The following RPH3AL variants were observed in gnomAD, a reference collection of about 807,000 sequenced individuals.
The protein encoded by RPH3AL is rab effector Noc2.
Under a neutral mutation model 43.1 loss-of-function variants are expected in RPH3AL, and 38 were observed. The ratio of observed to expected loss-of-function variants is 0.88; its 90% CI spans 0.68 to 1.15. The LOEUF (loss-of-function observed/expected upper bound fraction) is 1.15, where lower values mean the gene tolerates loss of function less well. Ranked by LOEUF, RPH3AL falls within the 50% of genes most tolerant of loss-of-function variation. The probability of loss-of-function intolerance (pLI) is 0.00; values close to 1 mark genes in which losing one functional copy is unlikely to be tolerated. For missense variants in RPH3AL, 462 were observed against 423.2 expected, an observed-to-expected ratio of 1.09 and a Z score of -0.81; for synonymous variants, 189 against 176.3, an observed-to-expected ratio of 1.07 and a Z score of -0.57.
intron 3 of RPH3AL, among the ~76,000 whole-genome samples, chr17:324,747 A>T (rs572767583): frequency 4.6e-4 from 63 of 137,038 alleles, no homozygotes; most frequent in African/African-American, 1.8e-3. Context: ...CTATTTTGAG[A>T]CAGAGTCTCG....
chr17:289,557 A>T lies in RPH3AL; in HGVS notation c.352-7703T>A, dbSNP rs2042998093. ...GCCAGGCCGATTTTCTCAAGAGGCAAATCTAATCATGTCACCTCTCCCATC... is the reference window on the plus strand; with the variant it reads ...GCCAGGCCGATTTTCTCAAGAGGCATATCTAATCATGTCACCTCTCCCATC... On this transcript the variant is annotated intron_variant, in intron 5 of 9. Coordinates refer to ENST00000331302, the MANE Select transcript of RPH3AL (RefSeq NM_006987.4). The surrounding 1 kb of genome is among the most constrained non-coding windows in gnomAD (Gnocchi z 5.2). 6.6e-6 allele frequency among the ~76,000 whole-genome samples: 1 copy of T among 152,100 alleles called. No individual in the cohort carries two copies. Among genetic ancestry groups the T allele is most frequent in the Non-Finnish European group, 1.5e-5 (1 of 68,034 alleles).
At chr17:332,178 T>C (rs1285881169) in intron 2 of RPH3AL, 2 of 321,786 alleles carry the variant, frequency 6.2e-6, no homozygotes, top group Non-Finnish European at 1.2e-5. Context: ...CTGGTGGAGC[T>C]CTGGCCACTT....
chr17:299,873 A>G (rs904133075), intron 5 of RPH3AL, among the ~76,000 whole-genome samples: 1 of 152,252 alleles, frequency 6.6e-6, no homozygotes, highest in African/African-American at 2.4e-5. Context: ...CCCAGGGAAG[A>G]CGGCCACTGA....
At chr17:314,772 A>T (rs1322862797) in intron 5 of RPH3AL, among the ~76,000 whole-genome samples, 1 of 4,356 alleles carries the variant, frequency 2.3e-4, no homozygotes, top group African/African-American at 6.4e-4. Flanking sequence ...AGTCTCTGTG[A>T]CCCCACCTCC....
intron 1 of RPH3AL, among the ~76,000 whole-genome samples, chr17:337,781 T>G (rs1443081346): frequency 1.4e-4 from 21 of 152,264 alleles, no homozygotes. Context: ...AGGGGTTTTT[T>G]TTGTACCCCG....
At chr17:244,909 G>A (rs944150428) in intron 7 of RPH3AL, among the ~76,000 whole-genome samples, 2 of 152,142 alleles carry the variant, frequency 1.3e-5, no homozygotes, top group Admixed American at 1.3e-4. Flanking sequence ...CAGCATGTAA[G>A]CTACTGTGTG....
chr17:279,926 G>A (rs1327033535), intron 6 of RPH3AL, among the ~76,000 whole-genome samples: 1 of 152,188 alleles, frequency 6.6e-6, no homozygotes, highest in East Asian at 1.9e-4. Flanking sequence ...AGCAACTGTG[G>A]AGCAGACATT....
chr17:327,225 G>A (rs1269635391), intron 3 of RPH3AL, among the ~76,000 whole-genome samples: 1 of 152,250 alleles, frequency 6.6e-6, no homozygotes, highest in Non-Finnish European at 1.5e-5. Flanking sequence ...CCACCCACAA[G>A]TTAAGTGATG....
chr17:223,214 T>A (rs1474485762), intron 7 of RPH3AL, among the ~76,000 whole-genome samples: 1 of 151,704 alleles, frequency 6.6e-6, no homozygotes, highest in African/African-American at 2.4e-5. Context: ...AAAAAAGACT[T>A]TCCAAAGTCT....
At position 345,661 on chromosome 17, in the gene RPH3AL, G is replaced by A. The variant is rs571300732; in HGVS notation, c.-213+7051C>T. 5.9e-4 allele frequency among the ~76,000 whole-genome samples: 45 copies of A among 76,816 alleles called. 2 individuals are homozygous for A. The highest frequency in any genetic ancestry group is 1.4e-3 in the African/African-American group (44 of 32,134). The allele number at this position is 76,816 out of a possible 152,430, so 50.4% of individuals were successfully genotyped here. A position where few individuals can be genotyped will look rare whatever the true frequency, so the allele number is the denominator to read the frequency against. ...CTGCACGCACACCCTGCTGGGGCAC[G>A]CGTGCTCCCCATCTGCGCGCACACC... On this transcript the variant is annotated intron_variant, in intron 1 of 9. Transcript: ENST00000331302.
intron 7 of RPH3AL, among the ~76,000 whole-genome samples, chr17:242,148 T>G (rs2041555016): frequency 6.6e-6 from 1 of 152,104 alleles, no homozygotes; most frequent in African/African-American, 2.4e-5. Flanking sequence ...CAAAAAAACT[T>G]TAAAGGAGGA....
At chr17:313,142 C>G (rs2043685619) in intron 5 of RPH3AL, among the ~76,000 whole-genome samples, 1 of 152,154 alleles carries the variant, frequency 6.6e-6, no homozygotes, top group Non-Finnish European at 1.5e-5. Flanking sequence ...AATTCCTCTC[C>G]ATCTGCTTAG....
At chr17:281,688 A>AC in intron 6 of RPH3AL, 80 bp downstream of exon 6, 2 of 456,050 alleles carry the variant, frequency 4.4e-6, no homozygotes, top group Non-Finnish European at 8.0e-6. Context: ...CCCCACCGTC[A>AC]CCCTGACCGT....
At chr17:348,900 T>G (rs1476954073) in intron 1 of RPH3AL, 1 of 152,210 alleles carries the variant, frequency 6.6e-6, no homozygotes, top group Non-Finnish European at 1.5e-5. Context: ...GTTTACGTGT[T>G]AATCTCTGGA....
At position 318,638 on chromosome 17, in the gene RPH3AL, C is replaced by G. The variant is rs73971736; in HGVS notation, c.351+782G>C. ...TATGATAGTATAATTAAGATGCTAA[C>G]TATCTTGAGGATTAGAAGGCATATT... On this transcript the variant is annotated intron_variant, in intron 5 of 9. Transcript: ENST00000331302. 8.9e-3 allele frequency among the ~76,000 whole-genome samples: 1,356 copies of G among 152,166 alleles called. 16 individuals are homozygous for G. Among genetic ancestry groups the G allele is most frequent in the African/African-American group, 0.031 (1,274 of 41,522 alleles).
intron 3 of RPH3AL, among the ~76,000 whole-genome samples, chr17:324,473 G>T (rs1443629976): frequency 6.6e-6 from 1 of 152,156 alleles, no homozygotes; most frequent in Non-Finnish European, 1.5e-5. Context: ...CCTCCAGGAA[G>T]AACCTGCACG....
At chr17:311,981 C>T (rs2043657056) in intron 5 of RPH3AL, among the ~76,000 whole-genome samples, 1 of 151,936 alleles carries the variant, frequency 6.6e-6, no homozygotes. Flanking sequence ...AGGGTGAGGC[C>T]CTAATCCGAT....
rs141106137 is a variant in RPH3AL, at chr17:319,456, C to T, written c.315G>A (p.Leu105=). The T allele has an allele frequency of 5.6e-6, 9 of 1,612,476 alleles. No homozygotes were observed. The highest frequency in any genetic ancestry group is 7.6e-6 in the Non-Finnish European group (9 of 1,179,904). ...CLLCGEVLGF[L]GSSSVFCKDC... ...CTTTGCAGAACACCGACGAGCTGCC[C>T]AGGAAGCCCAGCACCTCCCCGCAGA... Residue 105 remains leucine (L), a synonymous_variant, in exon 5 of 10, where the codon CTG becomes CTA. Transcript: ENST00000331302.
chr17:270,989 C>T (rs1282601026), intron 6 of RPH3AL, among the ~76,000 whole-genome samples: 2 of 152,186 alleles, frequency 1.3e-5, no homozygotes, highest in African/African-American at 2.4e-5. Context: ...CAGCTTTCCA[C>T]GTATGGCTAG....
Sources: gnomAD v4.1 joint callset for allele counts (sites outside exome capture counted in the v4.1 genomes callset) on GRCh38, gnomAD v4.1.1 for gene constraint, Gnocchi (gnomAD v3.1) non-coding constraint, MANE v1.5 for transcripts, NCBI Gene and HGNC (gene_info 2026-07-23, HGNC 2026-07-21) for gene names.